UBLCP1: variants seen among roughly 807,000 people sequenced by gnomAD.
UBLCP1 encodes ubiquitin like domain containing CTD phosphatase 1.
In UBLCP1, 28 loss-of-function variants were observed where a neutral mutation model predicts 42.4. The observed-to-expected ratio is 0.66, with a 90% CI of 0.49 to 0.90. The LOEUF (loss-of-function observed/expected upper bound fraction) is 0.90. Among genes scored for constraint, UBLCP1 ranks in the 40% least tolerant of loss-of-function variants. The probability of loss-of-function intolerance (pLI) is 0.00; values close to 1 mark genes in which losing one functional copy is unlikely to be tolerated. For missense variants in UBLCP1, 279 were observed against 374.5 expected (o/e 0.75, Z 2.10); for synonymous variants, 122 against 120.8 (o/e 1.01, Z -0.07).
chr5:159,269,539 A>G (rs1346436335), intron 2 of UBLCP1, among the ~76,000 whole-genome samples: 1 of 152,200 alleles, frequency 6.6e-6, no homozygotes, highest in Non-Finnish European at 1.5e-5. Context: ...CATATTGAAG[A>G]GTGAGTTTTG....
intron 1 of UBLCP1, among the ~76,000 whole-genome samples, chr5:159,264,301 A>C (rs1753347093): frequency 6.6e-6 from 1 of 152,206 alleles, no homozygotes; most frequent in Non-Finnish European, 1.5e-5. Flanking sequence ...CCACACCCCA[A>C]ATCATTTTTC....
intron 1 of UBLCP1, among the ~76,000 whole-genome samples, chr5:159,266,236 T>C (rs1753389482): frequency 6.6e-6 from 1 of 152,122 alleles, no homozygotes; most frequent in South Asian, 2.1e-4. Context: ...CAGGCTGAGG[T>C]GGTCTCAGAT....
intron 1 of UBLCP1, among the ~76,000 whole-genome samples, chr5:159,268,470 C>T (rs897489955): frequency 2.6e-5 from 4 of 152,146 alleles, no homozygotes; most frequent in African/African-American, 9.7e-5. Flanking sequence ...GGGATCTGAA[C>T]CCAGGTCATC....
At position 159,270,636 on chromosome 5, in the gene UBLCP1, A is replaced by T; in HGVS notation, c.441A>T (p.Thr147=). The change falls in exon 5 of 11, where the codon ACA becomes ACT. Residue 147 remains threonine, a synonymous_variant. Transcript: ENST00000296786. ...KKLLVLDVDY[T]LFDHRSCAET... Reference sequence around the variant, plus strand: ...TTTTGGTGCTAGATGTTGATTATACATTATTTGGTAAGTCAGTTAAGAATG... The same window carrying T: ...TTTTGGTGCTAGATGTTGATTATACTTTATTTGGTAAGTCAGTTAAGAATG... The T allele has an allele frequency of 1.3e-6, 2 of 1,579,874 alleles. No homozygotes were observed. Among genetic ancestry groups the T allele is most frequent in the Non-Finnish European group, 1.7e-6 (2 of 1,164,952 alleles).
In UBLCP1 at chr5:159,284,886, T is replaced by G. The variant is rs1323656640; in HGVS notation, c.930-18T>G. On this transcript the variant is annotated intron_variant, in intron 10 of 10. Coordinates refer to ENST00000296786, the MANE Select transcript of UBLCP1 (RefSeq NM_145049.5). ...TTAGCATGATACAGCTTTGACATCT[T>G]TATTTTATTTCTTGCAGATATCTCT... The G allele has an allele frequency of 6.2e-6, 10 of 1,612,534 alleles. No homozygotes were observed. Among genetic ancestry groups the G allele is most frequent in the African/African-American group, 2.7e-5 (2 of 74,868 alleles).
In UBLCP1 at chr5:159,270,367, T is replaced by C; in HGVS notation, c.254T>C (p.Val85Ala). The C allele has an allele frequency of 6.2e-7, 1 of 1,612,844 alleles. No homozygotes were observed. The highest frequency in any genetic ancestry group is 8.5e-7 in the Non-Finnish European group (1 of 1,179,340). ...MGTREESLED[V>A]LGPPPDNDDV... is the part of the protein sequence containing the mutation. ...CTTTTTCCATCTTAATAGGAAGATG[T>C]CTTAGGTCCACCCCCTGACAATGAT... Residue 85 changes from valine to alanine, a missense_variant, in exon 4 of 11, where the codon GTC becomes GCC. Coordinates refer to ENST00000296786, the MANE Select transcript of UBLCP1 (RefSeq NM_145049.5).
intron 7 of UBLCP1, among the ~76,000 whole-genome samples, chr5:159,274,843 C>G (rs939269104): frequency 2.0e-5 from 3 of 152,128 alleles, no homozygotes; most frequent in African/African-American, 7.2e-5. Context: ...CTTGTCCCCT[C>G]CCCCACATTC....
chr5:159,285,459 G>T lies in UBLCP1; in HGVS notation c.*528G>T, dbSNP rs1047436962. ...AGTTTGCTATGCTTAAAATTACCAA[G>T]AATTTTTTATTTCTTTGTCATAGAC... On this transcript the variant is annotated 3_prime_UTR_variant, in exon 11 of 11. Transcript: ENST00000296786. The T allele has an allele frequency of 1.3e-5, 2 of 151,320 alleles. No homozygotes were observed. Among genetic ancestry groups the T allele is most frequent in the Non-Finnish European group, 2.9e-5 (2 of 68,172 alleles). The allele number at this position is 151,320 out of a possible 1,614,324, so 9.4% of individuals were successfully genotyped here.
intron 6 of UBLCP1, among the ~76,000 whole-genome samples, chr5:159,272,583 G>C (rs1488171723): frequency 1.3e-5 from 2 of 151,992 alleles, no homozygotes; most frequent in Non-Finnish European, 2.9e-5. Context: ...TGAAATTCTT[G>C]ATGCTTCAGA....
intron 5 of UBLCP1, among the ~76,000 whole-genome samples, chr5:159,271,322 T>C (rs1753464098): frequency 6.6e-6 from 1 of 151,970 alleles, no homozygotes; most frequent in Admixed American, 6.6e-5. Flanking sequence ...ACTCGCTGGA[T>C]GTGGTGGTAT....
intron 9 of UBLCP1, among the ~76,000 whole-genome samples, chr5:159,280,759 T>A (rs996605906): frequency 6.6e-6 from 1 of 152,220 alleles, no homozygotes; most frequent in Non-Finnish European, 1.5e-5. Flanking sequence ...CATAAGCTTG[T>A]CAGTCATAAG....
chr5:159,274,817 A>G (rs1753513419), intron 7 of UBLCP1, among the ~76,000 whole-genome samples, 195 bp downstream of exon 7: 1 of 152,182 alleles, frequency 6.6e-6, no homozygotes, highest in South Asian at 2.1e-4. Flanking sequence ...CTTTTTTAAG[A>G]AAAAGTATAA....
At chr5:159,283,844 C>T (rs1340082119) in intron 10 of UBLCP1, among the ~76,000 whole-genome samples, 1 of 152,068 alleles carries the variant, frequency 6.6e-6, no homozygotes, top group Non-Finnish European at 1.5e-5. Context: ...CCACTGTTAC[C>T]ATCTTGGTAT....
In UBLCP1 at chr5:159,283,233, C is replaced by A; in HGVS notation, c.823C>A (p.His275Asn). 1 of 1,605,490 alleles carries A rather than the reference C, an allele frequency of 6.2e-7. No individual in the cohort carries two copies. Among genetic ancestry groups the A allele is most frequent in the Non-Finnish European group, 8.5e-7 (1 of 1,176,862 alleles). Residue 275 changes from histidine (H) to asparagine (N), a missense_variant, in exon 10 of 11, where the codon CAC becomes AAC. By Grantham distance (68) the His-to-Asn change is moderately conservative. Transcript: ENST00000296786. ...GLKIRPFMKA[H>N]LNRDKDKELL... is the part of the protein sequence containing the mutation. ...ATAGATAAGGCCTTTTATGAAAGCG[C>A]ACCTAAATCGTGATAAAGACAAAGA... is the stretch of plus-strand genomic sequence containing the variant.
chr5:159,266,094 G>A lies in UBLCP1; in HGVS notation c.-47+2734G>A, dbSNP rs1019666880. 4.6e-5 allele frequency among the ~76,000 whole-genome samples: 7 copies of A among 152,356 alleles called. No homozygotes were observed. In the South Asian group the frequency reaches 6.2e-4, roughly 14 times the overall value. ...AACGTGGAAGCAACTTTGGAACTGG[G>A]TAACAGGCAGAGGTTGGAACAGTTT... is the stretch of plus-strand genomic sequence containing the variant. On this transcript the variant is annotated intron_variant, in intron 1 of 10. Coordinates refer to ENST00000296786, the MANE Select transcript of UBLCP1 (RefSeq NM_145049.5).
chr5:159,278,928 C>T (rs773453174), intron 9 of UBLCP1, among the ~76,000 whole-genome samples: 22 of 152,156 alleles, frequency 1.4e-4, no homozygotes, highest in Non-Finnish European at 2.5e-4. Context: ...CCAACATTGA[C>T]TTTTAGCATC....
At chr5:159,271,552 C>G (rs184580526) in intron 5 of UBLCP1, among the ~76,000 whole-genome samples, 2 of 152,170 alleles carry the variant, frequency 1.3e-5, no homozygotes, top group Admixed American at 6.5e-5. Context: ...ACTTCTGATA[C>G]TGGAATTTAT....
At position 159,285,091 on chromosome 5, in the gene UBLCP1, A is replaced by G; in HGVS notation, c.*160A>G. On this transcript the variant is annotated 3_prime_UTR_variant, in exon 11 of 11. Transcript: ENST00000296786. ...GTAAATTTAATTTTATATTTTTTGAAGATGATAGCAATATGCTAAAAAATG... is the reference window on the plus strand; with the variant it reads ...GTAAATTTAATTTTATATTTTTTGAGGATGATAGCAATATGCTAAAAAATG... 1.5e-6 allele frequency: 1 copy of G among 647,866 alleles called. No individual in the cohort carries two copies. 40.1% of individuals were successfully genotyped at this position (647,866 alleles called of 1,614,324 possible).
chr5:159,270,211 A>T (rs1417187574), intron 3 of UBLCP1, 149 bp from the exon 4 acceptor site: 1 of 773,520 alleles, frequency 1.3e-6, no homozygotes, highest in African/African-American at 1.8e-5. Flanking sequence ...GGAAACATAC[A>T]TAACGAATTA....
Sources: allele counts gnomAD v4.1 joint callset (sites outside exome capture counted in the v4.1 genomes callset), GRCh38; gene constraint gnomAD v4.1.1; transcripts MANE v1.5; gene names NCBI Gene and HGNC (gene_info 2026-07-23, HGNC 2026-07-21).